The following SLC12A8 variants were observed in gnomAD, a reference collection of about 807,000 sequenced individuals.
SLC12A8 encodes the protein cation-chloride cotransporter 9.
Under a neutral mutation model 75.6 loss-of-function variants are expected in SLC12A8, and 69 were observed. The observed-to-expected ratio is 0.91, with a 90% CI of 0.75 to 1.11. SLC12A8 has a LOEUF of 1.11. Ranked by LOEUF, SLC12A8 falls within the 50% of genes most tolerant of loss-of-function variation. SLC12A8 has a pLI of 0.00. For synonymous variants in SLC12A8, 365 were observed against 372.8 expected, an observed-to-expected ratio of 0.98 and a Z score of 0.24; for missense variants, 877 against 896.7, an observed-to-expected ratio of 0.98 and a Z score of 0.28.
At chr3:125,084,794 C>T (rs1023212124) in intron 13 of SLC12A8, among the ~76,000 whole-genome samples, 1 of 152,198 alleles carries the variant, frequency 6.6e-6, no homozygotes, top group South Asian at 2.1e-4. Context: ...GCCTCTTTAC[C>T]TTCTTGTGTC....
intron 5 of SLC12A8, among the ~76,000 whole-genome samples, chr3:125,140,342 T>C (rs756246838): frequency 8.5e-5 from 13 of 152,194 alleles, no homozygotes; most frequent in South Asian, 2.1e-4. Flanking sequence ...GAGGGTTACA[T>C]AGCCAGATCT....
At chr3:125,171,940 G>T (rs376757681) in intron 5 of SLC12A8, among the ~76,000 whole-genome samples, 1 of 1,666 alleles carries the variant, frequency 6.0e-4, no homozygotes, top group Admixed American at 0.022. Flanking sequence ...AAAAAAAAAA[G>T]AAAATTAAAA....
At chr3:125,141,286 TC>T (rs1933629914) in intron 5 of SLC12A8, among the ~76,000 whole-genome samples, 1 of 152,140 alleles carries the variant, frequency 6.6e-6, no homozygotes, top group Non-Finnish European at 1.5e-5. Flanking sequence ...CACCCGGAAT[TC>T]GGGTAATTCA....
intron 10 of SLC12A8, among the ~76,000 whole-genome samples, chr3:125,097,697 A>T (rs2107735698): frequency 6.6e-6 from 1 of 152,222 alleles, no homozygotes; most frequent in South Asian, 2.1e-4. Context: ...TGACTCTTTG[A>T]ATAGGTACTG....
intron 5 of SLC12A8, among the ~76,000 whole-genome samples, chr3:125,173,812 C>T (rs28886643): frequency 0.14 from 21,022 of 152,186 alleles, 1,653 homozygotes; most frequent in Non-Finnish European, 0.18. Flanking sequence ...CAACAGTGGC[C>T]GGGCGCAGTG....
chr3:125,119,745 C>A, intron 7 of SLC12A8: 1 of 410,674 alleles, frequency 2.4e-6, no homozygotes. Context: ...AGAACAAATT[C>A]AGTGTTTGTG....
chr3:125,197,372 G>C (rs1311144135), intron 2 of SLC12A8, among the ~76,000 whole-genome samples: 4 of 152,078 alleles, frequency 2.6e-5, no homozygotes, highest in Non-Finnish European at 5.9e-5. Flanking sequence ...GCTCACTGCA[G>C]CCTCAACTTT....
intron 6 of SLC12A8, among the ~76,000 whole-genome samples, chr3:125,130,267 G>C (rs1270603565): frequency 6.6e-6 from 1 of 152,184 alleles, no homozygotes; most frequent in Non-Finnish European, 1.5e-5. Flanking sequence ...TCCAGTGTCT[G>C]TGAGGCTTTT....
chr3:125,194,232 C>A (rs570174647), intron 2 of SLC12A8, among the ~76,000 whole-genome samples: 2 of 152,328 alleles, frequency 1.3e-5, no homozygotes, highest in East Asian at 3.9e-4. Flanking sequence ...TGGCGCCTGG[C>A]CCAGGATGAT....
At chr3:125,142,079 G>T (rs1016970954) in intron 5 of SLC12A8, among the ~76,000 whole-genome samples, 1 of 152,230 alleles carries the variant, frequency 6.6e-6, no homozygotes, top group African/African-American at 2.4e-5. Flanking sequence ...CCTCTGGACA[G>T]CCCAGCGCCT....
At chr3:125,194,345 G>A (rs1273045577) in intron 2 of SLC12A8, among the ~76,000 whole-genome samples, 3 of 152,170 alleles carry the variant, frequency 2.0e-5, no homozygotes, top group East Asian at 1.9e-4. Flanking sequence ...GCCCCATGCT[G>A]GAAAAACCAT....
intron 3 of SLC12A8, among the ~76,000 whole-genome samples, chr3:125,189,414 C>A (rs955893068): frequency 1.3e-5 from 2 of 152,082 alleles, no homozygotes; most frequent in African/African-American, 4.8e-5. Flanking sequence ...TCCAGCTCAC[C>A]CTTCAAAGCC....
rs1316432192 is a variant in SLC12A8, at chr3:125,107,965, C to T, written c.1221G>A (p.Met407Ile). ...GCACCGGGGTCAGGCTGCAGGAACA[C>T]ATGGACAGGGAGAAGTAAGAGTAGT... ...AVDYSYFSLS[M>I]CSCSLTPVPE... Residue 407 changes from methionine (M) to isoleucine (I), a missense_variant, in exon 10 of 14, where the codon ATG (methionine) becomes ATA (isoleucine). Coordinates refer to ENST00000469902, the MANE Select transcript of SLC12A8 (RefSeq NM_024628.6). The T allele has an allele frequency of 6.2e-7, 1 of 1,614,068 alleles. No individual in the cohort carries two copies. The highest frequency in any genetic ancestry group is 2.2e-5 in the East Asian group (1 of 44,902).
chr3:125,133,245 T>C (rs1933402803), intron 6 of SLC12A8, among the ~76,000 whole-genome samples: 1 of 152,078 alleles, frequency 6.6e-6, no homozygotes. Context: ...TTTATTGAGG[T>C]ATAACTAACA....
intron 8 of SLC12A8, among the ~76,000 whole-genome samples, chr3:125,115,710 T>C (rs1939293609): frequency 6.6e-6 from 1 of 152,066 alleles, no homozygotes; most frequent in Admixed American, 6.6e-5. Context: ...ATAATTGTTC[T>C]GGCAGAAAGC....
rs556414655 is a variant in SLC12A8, at chr3:125,133,243, G to A, written c.736+2426C>T. 6.4e-4 allele frequency among the ~76,000 whole-genome samples: 97 copies of A among 152,092 alleles called. 2 individuals carry two copies. Among genetic ancestry groups the A allele is most frequent in the African/African-American group, 2.2e-3 (92 of 41,486 alleles). ...TTTTTCATTTTAACAGCTTTATTGA[G>A]GTATAACTAACATTCTATAAGATGT... On this transcript the variant is annotated intron_variant, in intron 6 of 13. Coordinates refer to ENST00000469902, the MANE Select transcript of SLC12A8 (RefSeq NM_024628.6).
At chr3:125,117,721 C>T (rs1939347806) in intron 8 of SLC12A8, among the ~76,000 whole-genome samples, 1 of 152,200 alleles carries the variant, frequency 6.6e-6, no homozygotes, top group Admixed American at 6.5e-5. Context: ...ATCTCAGGGT[C>T]TACTTTTTCT....
intron 7 of SLC12A8, 102 bp downstream of exon 7, chr3:125,120,497 C>T: frequency 1.2e-6 from 1 of 828,768 alleles, no homozygotes; most frequent in Non-Finnish European, 2.0e-6. Context: ...ATAGATTGGT[C>T]ACAGTCGGGG....
chr3:125,174,790 A>G (rs1041895196), intron 5 of SLC12A8, among the ~76,000 whole-genome samples: 4 of 152,238 alleles, frequency 2.6e-5, no homozygotes, highest in African/African-American at 9.6e-5. Context: ...GAAACAGTAA[A>G]AAGATCAGTG....
Sources: gnomAD v4.1 joint callset for allele counts (sites outside exome capture counted in the v4.1 genomes callset) on GRCh38, gnomAD v4.1.1 for gene constraint, MANE v1.5 for transcripts, NCBI Gene and HGNC (gene_info 2026-07-23, HGNC 2026-07-21) for gene names.